Variants in AHI1 observed in about 807,000 individuals in gnomAD.
AHI1 encodes Abelson helper integration site 1.
AHI1 carries 123 observed loss-of-function variants against 149.3 expected under a neutral mutation model. The observed-to-expected ratio is 0.82, with a 90% CI of 0.71 to 0.96. The LOEUF is 0.96. Ranked by LOEUF, AHI1 falls within the 40% of genes least tolerant of loss-of-function variation. The pLI is 0.00. For missense variants in AHI1, 1,439 were observed against 1,422.7 expected (o/e 1.01, Z -0.18); for synonymous variants, 475 against 459.8 (o/e 1.03, Z -0.42).
chr6:135,326,354 A>C (rs1787681554), intron 24 of AHI1, among the ~76,000 whole-genome samples: 2 of 152,140 alleles, frequency 1.3e-5, no homozygotes, highest in African/African-American at 2.4e-5. Context: ...CAGTAGGAGA[A>C]ACCGACTGTG....
intron 20 of AHI1, among the ~76,000 whole-genome samples, chr6:135,423,730 T>C (rs1489400566): frequency 6.6e-6 from 1 of 152,148 alleles, no homozygotes; most frequent in Admixed American, 6.5e-5. Context: ...ATTTGTCTTG[T>C]CTAAGATACT....
chr6:135,300,662 A>G, intron 26 of AHI1, 104 bp from the exon 27 acceptor site: 3 of 1,527,542 alleles, frequency 2.0e-6, no homozygotes, highest in Non-Finnish European at 2.6e-6. Context: ...ATGGGGAGAG[A>G]ATATGCCTGT....
chr6:135,303,758 T>C (rs974210027), intron 26 of AHI1, among the ~76,000 whole-genome samples: 1 of 152,204 alleles, frequency 6.6e-6, no homozygotes, highest in East Asian at 1.9e-4. Flanking sequence ...AAGGCTCATG[T>C]ATAAATATGT....
rs1774117011 is a variant in AHI1 at position 135,366,024 on chromosome 6, G to A, written c.3110-7837C>T. On this transcript the variant is annotated intron_variant, in intron 23 of 28. Transcript: ENST00000265602. ...GCTGAGGGTTTTAATCATAAAGGAC[G>A]CTGGATTTTGTCAAATGCTTTTTCT... Among the ~76,000 whole-genome samples the A allele has an allele frequency of 1.3e-5, 2 of 152,156 alleles. 1 individual carries two copies. The highest frequency in any genetic ancestry group is 2.9e-5 in the Non-Finnish European group (2 of 68,020).
rs578195958 is a variant in AHI1 at position 135,442,452 on chromosome 6, A to G, written c.1912+130T>C. 8.9e-6 allele frequency: 9 copies of G among 1,012,270 alleles called. No homozygotes were observed. The Admixed American group carries it at 3.3e-4, about 37-fold the overall frequency. 62.7% of individuals were successfully genotyped at this position (1,012,270 alleles called of 1,614,324 possible). A position where few individuals can be genotyped will look rare whatever the true frequency, so the allele number is the denominator to read the frequency against. ...TTACAAAAGAACTTTCTTTGTTTGA[A>G]GAAATCCGTTTTCTTTAATTTAGTA... is the stretch of plus-strand genomic sequence containing the variant. On this transcript the variant is annotated intron_variant, in intron 14 of 28. Transcript: ENST00000265602.
At chr6:135,363,654 C>T (rs1453885232) in intron 23 of AHI1, among the ~76,000 whole-genome samples, 8 of 149,632 alleles carry the variant, frequency 5.3e-5, no homozygotes, top group East Asian at 4.1e-4. Context: ...ACCTCCCGGA[C>T]GGGGCGGCTG....
chr6:135,337,091 C>T (rs1479744945), intron 24 of AHI1, among the ~76,000 whole-genome samples: 2 of 152,130 alleles, frequency 1.3e-5, no homozygotes, highest in African/African-American at 4.8e-5. Context: ...ACATTATAAG[C>T]CCTCATGGAA....
At chr6:135,413,160 C>A (rs1781847212) in intron 20 of AHI1, among the ~76,000 whole-genome samples, 1 of 151,824 alleles carries the variant, frequency 6.6e-6, no homozygotes, top group Non-Finnish European at 1.5e-5. Context: ...GAGACCCTGT[C>A]TCTATAAAAA....
intron 24 of AHI1, among the ~76,000 whole-genome samples, chr6:135,355,972 C>T (rs1306561946): frequency 6.6e-6 from 1 of 152,226 alleles, no homozygotes; most frequent in Non-Finnish European, 1.5e-5. Flanking sequence ...CATTTGCTCA[C>T]TTCCCTCACC....
At chr6:135,387,106 C>T (rs1213418260) in intron 23 of AHI1, among the ~76,000 whole-genome samples, 1 of 152,126 alleles carries the variant, frequency 6.6e-6, no homozygotes, top group Admixed American at 6.6e-5. Context: ...TGGTCTCAAA[C>T]TCCTGAGCTC....
intron 26 of AHI1, among the ~76,000 whole-genome samples, chr6:135,308,611 G>A (rs1784799704): frequency 1.3e-5 from 2 of 152,200 alleles, no homozygotes; most frequent in African/African-American, 4.8e-5. Flanking sequence ...AGAATTTATA[G>A]TATTCTCTAA....
At chr6:135,452,048 C>T (rs2128067915) in intron 11 of AHI1, among the ~76,000 whole-genome samples, 1 of 152,272 alleles carries the variant, frequency 6.6e-6, no homozygotes, top group Admixed American at 6.5e-5. Flanking sequence ...AAATCTCTCT[C>T]TAACCTCCAA....
chr6:135,394,718 T>G (rs1385057847), intron 23 of AHI1, 58 bp downstream of exon 23: 1 of 1,594,908 alleles, frequency 6.3e-7, no homozygotes. Context: ...GTGATATTCA[T>G]CAACACAACA....
At chr6:135,360,622 G>A (rs1040278167) in intron 23 of AHI1, among the ~76,000 whole-genome samples, 3 of 152,078 alleles carry the variant, frequency 2.0e-5, no homozygotes, top group Non-Finnish European at 2.9e-5. Context: ...ACCCTGACTA[G>A]TAATATACTT....
intron 12 of AHI1, among the ~76,000 whole-genome samples, chr6:135,447,986 A>G (rs1241606201): frequency 2.0e-5 from 3 of 152,194 alleles, no homozygotes; most frequent in Non-Finnish European, 4.4e-5. Flanking sequence ...AGCCTAAAAT[A>G]TTTACTATCT....
chr6:135,425,169 T>A (rs909213833), intron 20 of AHI1, among the ~76,000 whole-genome samples: 6 of 151,962 alleles, frequency 3.9e-5, no homozygotes, highest in African/African-American at 1.2e-4. Flanking sequence ...TGTGTTTGCA[T>A]ATCAAAAATT....
intron 23 of AHI1, among the ~76,000 whole-genome samples, chr6:135,363,262 G>A (rs1173699745): frequency 2.7e-5 from 4 of 150,456 alleles, no homozygotes; most frequent in African/African-American, 9.7e-5. Flanking sequence ...TAAGGAGCAT[G>A]CTGCCTTCAA....
At chr6:135,472,168 C>G (rs1295462780) in intron 5 of AHI1, among the ~76,000 whole-genome samples, 1 of 150,894 alleles carries the variant, frequency 6.6e-6, no homozygotes, top group Non-Finnish European at 1.5e-5. Context: ...TTCCATCATT[C>G]TACATGTCCT....
chr6:135,375,105 G>T (rs1466660059), intron 23 of AHI1, among the ~76,000 whole-genome samples: 2 of 152,174 alleles, frequency 1.3e-5, no homozygotes, highest in Admixed American at 6.5e-5. Flanking sequence ...TCTATTGTAA[G>T]TCGAGGAGTA....
Sources: gnomAD v4.1 joint callset for allele counts (sites outside exome capture counted in the v4.1 genomes callset) on GRCh38, gnomAD v4.1.1 for gene constraint, MANE v1.5 for transcripts, NCBI Gene and HGNC (gene_info 2026-07-23, HGNC 2026-07-21) for gene names.